Variants in TVP23A observed in about 807,000 individuals in gnomAD.
TVP23A encodes Golgi apparatus membrane protein TVP23 homolog A.
A neutral mutation model predicts 31.7 loss-of-function variants in TVP23A; 21 were observed. The ratio of observed to expected loss-of-function variants is 0.66; its 90% confidence interval spans 0.47 to 0.95. The LOEUF is 0.95. TVP23A is among the 40% of genes least tolerant of loss of function. TVP23A has a pLI of 0.00. For missense variants in TVP23A, 279 were observed against 255.6 expected (o/e 1.09, Z -0.62); for synonymous variants, 104 against 96.0 (o/e 1.08, Z -0.49).
rs1009518308 is a variant in TVP23A, at chr16:10,767,355, G to A, written c.*1747C>T. 1 of 399,728 alleles carries A rather than the reference G, an allele frequency of 2.5e-6. No individual in the cohort carries two copies. Among genetic ancestry groups the A allele is most frequent in the Non-Finnish European group, 4.4e-6 (1 of 226,916 alleles). 24.8% of individuals were successfully genotyped at this position (399,728 alleles called of 1,614,324 possible). The stretch of plus-strand genomic sequence containing the variant: ...ATGGCCACATGGCGGGGAAAGACTA[G>A]CAGACTGATAGACACCAGCACAGAT... On this transcript the variant is annotated 3_prime_UTR_variant, in exon 8 of 8. Transcript: ENST00000299866. The surrounding 1 kb of genome is among the most constrained non-coding windows in gnomAD (Gnocchi z 4.6).
At chr16:10,775,243 G>T (rs768424561) in intron 2 of TVP23A, 147 bp from the exon 3 acceptor site, 53 of 1,452,344 alleles carry the variant, frequency 3.6e-5, no homozygotes, top group Non-Finnish European at 4.5e-5. Flanking sequence ...AACTCAGGCT[G>T]TAGCCCTGGG....
chr16:10,774,893 GCA>G, intron 3 of TVP23A, 57 bp downstream of exon 3: 1 of 1,488,126 alleles, frequency 6.7e-7, no homozygotes, highest in Non-Finnish European at 9.3e-7. Context: ...TTGGTACCAC[GCA>G]CACAGGGGAC....
chr16:10,762,308 C>T (rs921980230), downstream of TVP23A, among the ~76,000 whole-genome samples: 4 of 152,142 alleles, frequency 2.6e-5, no homozygotes, highest in South Asian at 4.1e-4. Context: ...CGGGACAGAC[C>T]GGAACGCGGA....
At chr16:10,784,248 G>A (rs933500475) in intron 2 of TVP23A, among the ~76,000 whole-genome samples, 4 of 151,760 alleles carry the variant, frequency 2.6e-5, no homozygotes, top group African/African-American at 9.7e-5. Context: ...AGAATTGCCT[G>A]AACCCAGGAG....
At chr16:10,812,875 G>C (rs2034266312) in intron 2 of TVP23A, among the ~76,000 whole-genome samples, 1 of 151,574 alleles carries the variant, frequency 6.6e-6, no homozygotes, top group African/African-American at 2.4e-5. Context: ...TACGCTGTGG[G>C]TTTTTTTTAA....
rs981057885 is a variant in TVP23A at position 10,761,624 on chromosome 16, A to G, written c.*207-56T>C. On this transcript the variant is annotated intron_variant and NMD_transcript_variant, in intron 8 of 8. Transcript: ENST00000456096. ...AAATCCCTTTCTGCTGACTAAAGGA[A>G]AGTTCTTTAGGTGTTAAGGGTTCCA... The G allele has an allele frequency of 6.2e-6, 6 of 974,702 alleles. No individual in the cohort carries two copies. The East Asian group carries it at 1.3e-4, about 21-fold the overall frequency. The allele number at this position is 974,702 out of a possible 1,614,324, so 60.4% of individuals were successfully genotyped here.
intron 2 of TVP23A, among the ~76,000 whole-genome samples, chr16:10,782,170 C>T (rs1355334946): frequency 6.6e-6 from 1 of 151,978 alleles, no homozygotes; most frequent in African/African-American, 2.4e-5. Context: ...CCAAATAACA[C>T]AACCTTCCCA....
chr16:10,771,864 G>C, intron 5 of TVP23A, 66 bp from the exon 6 acceptor site: 1 of 1,530,686 alleles, frequency 6.5e-7, no homozygotes, highest in South Asian at 1.2e-5. Context: ...TGTCGCCCAG[G>C]CTGGGGTGCA....
At chr16:10,774,243 A>T (rs2031839197) in intron 3 of TVP23A, 115 bp from the exon 4 acceptor site, 1 of 680,984 alleles carries the variant, frequency 1.5e-6, no homozygotes, top group Non-Finnish European at 2.4e-6. Flanking sequence ...AGCAGGAAGA[A>T]AAAAGGCCTT....
At chr16:10,806,020 A>G (rs1201745310) in intron 2 of TVP23A, among the ~76,000 whole-genome samples, 3 of 152,168 alleles carry the variant, frequency 2.0e-5, no homozygotes, top group Non-Finnish European at 2.9e-5. Context: ...CCCAAATGGC[A>G]AAAGTGCCAA....
chr16:10,791,008 G>A (rs2033072741), intron 2 of TVP23A, among the ~76,000 whole-genome samples: 1 of 152,150 alleles, frequency 6.6e-6, no homozygotes, highest in African/African-American at 2.4e-5. Flanking sequence ...ACTTTGGAAT[G>A]CCCTTGGCCG....
intron 2 of TVP23A, chr16:10,808,482 G>A (rs2034045502): frequency 2.2e-6 from 1 of 453,978 alleles, no homozygotes; most frequent in Non-Finnish European, 4.4e-6. Context: ...CATTCACTAG[G>A]CTGAACAAGG....
intron 2 of TVP23A, among the ~76,000 whole-genome samples, chr16:10,815,354 G>C (rs904588074): frequency 1.3e-5 from 2 of 152,248 alleles, no homozygotes; most frequent in Admixed American, 6.5e-5. Flanking sequence ...AGAGGTTGTA[G>C]TGAGCCGAGA....
chr16:10,771,834 T>C (rs1307821668), intron 5 of TVP23A, 36 bp from the exon 6 acceptor site: 19 of 1,549,052 alleles, frequency 1.2e-5, no homozygotes, highest in Non-Finnish European at 1.7e-5. Context: ...GTCACTTTTT[T>C]TTGAGACAGA....
chr16:10,814,211 C>T (rs1299848306), intron 2 of TVP23A, among the ~76,000 whole-genome samples: 1 of 152,040 alleles, frequency 6.6e-6, no homozygotes, highest in African/African-American at 2.4e-5. Flanking sequence ...ATTAGGCACA[C>T]CGAGGATTCT....
chr16:10,782,453 T>G (rs2032483801), intron 2 of TVP23A, among the ~76,000 whole-genome samples: 1 of 152,172 alleles, frequency 6.6e-6, no homozygotes. Context: ...CCCCAGGTAG[T>G]TGCTGCTCAC....
At chr16:10,770,449 G>A in intron 6 of TVP23A, 118 bp from the exon 7 acceptor site, 1 of 1,125,566 alleles carries the variant, frequency 8.9e-7, no homozygotes. Context: ...TTGGTTGCTT[G>A]ATGTCTTGGC....
Position 10,770,851 on chromosome 16 carries a change from G to C in TVP23A, c.583-520C>G, listed in dbSNP as rs1454303096. Among the ~76,000 whole-genome samples the C allele has an allele frequency of 5.2e-5, 6 of 114,434 alleles. No individual in the cohort carries two copies. In the East Asian group the frequency reaches 1.3e-3, roughly 25 times the overall value. 75.1% of individuals were successfully genotyped at this position (114,434 alleles called of 152,430 possible). A position where few individuals can be genotyped will look rare whatever the true frequency, so the allele number is the denominator to read the frequency against. On this transcript the variant is annotated intron_variant, in intron 6 of 7. Transcript: ENST00000299866. ...GCCATTGCACTCCAGCCTGGGAGCA[G>C]AGTGAGACTCCCATCTCAAAAAAAA...
chr16:10,782,082 G>C (rs545290757), intron 2 of TVP23A, among the ~76,000 whole-genome samples: 2 of 151,670 alleles, frequency 1.3e-5, no homozygotes, highest in Non-Finnish European at 2.9e-5. Context: ...GGCTGGTCTC[G>C]AACTCCTGAC....
Sources: allele counts gnomAD v4.1 joint callset (sites outside exome capture counted in the v4.1 genomes callset), GRCh38; gene constraint gnomAD v4.1.1; non-coding constraint Gnocchi (gnomAD v3.1); transcripts MANE v1.5; gene names NCBI Gene and HGNC (gene_info 2026-07-23, HGNC 2026-07-21).